Variants in ITGB5 observed in about 807,000 individuals in gnomAD.
ITGB5 encodes the protein integrin beta-5.
Under a neutral mutation model 84.8 loss-of-function variants are expected in ITGB5, and 38 were observed. That is an observed-to-expected ratio of 0.45 (90% CI 0.35 to 0.59). The LOEUF (loss-of-function observed/expected upper bound fraction) is 0.59, where lower values mean the gene tolerates loss of function less well. Among genes scored for constraint, ITGB5 ranks in the 20% least tolerant of loss-of-function variants. The pLI, the probability that ITGB5 is intolerant of heterozygous loss-of-function variation, is 0.01. For synonymous variants in ITGB5, 393 were observed against 414.4 expected (o/e 0.95, Z 0.63); for missense variants, 905 against 1,034.5 (o/e 0.87, Z 1.72).
intron 2 of ITGB5, among the ~76,000 whole-genome samples, chr3:124,871,848 A>AATAAAT (rs1934069184): frequency 6.9e-6 from 1 of 144,004 alleles, no homozygotes; most frequent in Non-Finnish European, 1.5e-5. Flanking sequence ...TAAAAATAAA[A>AATAAAT]ATAAATAATA....
intron 5 of ITGB5, among the ~76,000 whole-genome samples, chr3:124,839,390 G>C (rs1005149586): frequency 2.6e-5 from 4 of 152,176 alleles, no homozygotes; most frequent in African/African-American, 4.8e-5. Context: ...GCACAGGAAG[G>C]TTCCATAGAC....
intron 9 of ITGB5, among the ~76,000 whole-genome samples, chr3:124,800,980 A>G (rs2064306660): frequency 6.6e-6 from 1 of 152,194 alleles, no homozygotes; most frequent in Non-Finnish European, 1.5e-5. Flanking sequence ...TCCCCTGTGG[A>G]GCTGACTGGC....
In ITGB5 at chr3:124,762,114, C is replaced by T. The variant is rs190904225; in HGVS notation, c.*1509G>A. 1 of 152,214 alleles carries T rather than the reference C, an allele frequency of 6.6e-6. No homozygotes were observed. Among genetic ancestry groups the T allele is most frequent in the Non-Finnish European group, 1.5e-5 (1 of 68,044 alleles). The allele number at this position is 152,214 out of a possible 1,614,324, so 9.4% of individuals were successfully genotyped here. ...TCATATTTACACAAGATGAAGGAAACTCAATCTGTTCGTATTTGCCCCAGG... is the reference window on the plus strand; with the variant it reads ...TCATATTTACACAAGATGAAGGAAATTCAATCTGTTCGTATTTGCCCCAGG... On this transcript the variant is annotated 3_prime_UTR_variant, in exon 15 of 15. Coordinates refer to ENST00000296181, the MANE Select transcript of ITGB5 (RefSeq NM_002213.5).
At chr3:124,873,632 C>T (rs1325657009) in intron 1 of ITGB5, 101 bp from the exon 2 acceptor site, 2 of 878,494 alleles carry the variant, frequency 2.3e-6, no homozygotes, top group South Asian at 2.7e-5. Flanking sequence ...AACAGGAGGC[C>T]TCTCTGAGTC....
At chr3:124,841,184 G>A (rs566295896) in intron 5 of ITGB5, among the ~76,000 whole-genome samples, 199 bp downstream of exon 5, 1 of 152,288 alleles carries the variant, frequency 6.6e-6, no homozygotes, top group South Asian at 2.1e-4. Context: ...ACACAGACCA[G>A]CCCAATCCAT....
At chr3:124,816,975 T>C (rs148553087) in intron 8 of ITGB5, among the ~76,000 whole-genome samples, 4 of 152,220 alleles carry the variant, frequency 2.6e-5, no homozygotes, top group Admixed American at 2.0e-4. Flanking sequence ...AGCCAGCACT[T>C]TGGGAAGCTG....
intron 1 of ITGB5, among the ~76,000 whole-genome samples, chr3:124,883,876 A>G (rs1007611): frequency 0.12 from 18,597 of 152,152 alleles, 1,208 homozygotes; most frequent in Admixed American, 0.17. Flanking sequence ...GCTCTTGGCC[A>G]TAAGATAATA....
intron 8 of ITGB5, among the ~76,000 whole-genome samples, chr3:124,810,081 C>T (rs546238272): frequency 2.0e-5 from 3 of 152,308 alleles, no homozygotes; most frequent in Non-Finnish European, 4.4e-5. Context: ...TAGCTAGAAA[C>T]TGGAAATTCC....
chr3:124,820,257 A>G (rs138986525), intron 6 of ITGB5, among the ~76,000 whole-genome samples: 51 of 152,004 alleles, frequency 3.4e-4, no homozygotes, highest in Admixed American at 1.8e-3. Context: ...TCCTTGCCCT[A>G]TTTTCCTTCT....
chr3:124,833,832 C>G (rs1281015790), intron 5 of ITGB5, among the ~76,000 whole-genome samples: 1 of 152,158 alleles, frequency 6.6e-6, no homozygotes, highest in Non-Finnish European at 1.5e-5. Flanking sequence ...ATAGTCCCTG[C>G]CTTCAGGGAG....
intron 4 of ITGB5, among the ~76,000 whole-genome samples, 199 bp downstream of exon 4, chr3:124,848,110 A>G (rs973484133): frequency 1.3e-5 from 2 of 152,182 alleles, no homozygotes; most frequent in Non-Finnish European, 1.5e-5. Context: ...TTTTATCTTT[A>G]CAACCTTGTG....
At chr3:124,793,564 T>A (rs1320287205) in intron 10 of ITGB5, among the ~76,000 whole-genome samples, 1 of 152,210 alleles carries the variant, frequency 6.6e-6, no homozygotes, top group Non-Finnish European at 1.5e-5. Context: ...GGAGCCAGCA[T>A]TGGGTGTGTT....
intron 3 of ITGB5, among the ~76,000 whole-genome samples, chr3:124,850,149 T>G (rs2065131341): frequency 1.3e-5 from 2 of 152,028 alleles, no homozygotes; most frequent in Non-Finnish European, 2.9e-5. Flanking sequence ...AACTCAATCC[T>G]CTATGCTTCC....
chr3:124,837,278 G>A (rs1210597700), intron 5 of ITGB5, among the ~76,000 whole-genome samples: 1 of 152,154 alleles, frequency 6.6e-6, no homozygotes, highest in South Asian at 2.1e-4. Flanking sequence ...TCACACTTCC[G>A]CCTGCACAAT....
At chr3:124,887,920 CTTTTT>C (rs747964036), upstream of ITGB5, 43 of 196,262 alleles carry the variant, frequency 2.2e-4, no homozygotes, top group South Asian at 5.2e-4. Context: ...TTTTTCTTTT[CTTTTT>C]TTTTTTTTTT....
intron 8 of ITGB5, among the ~76,000 whole-genome samples, chr3:124,811,459 T>G (rs2064500474): frequency 6.6e-6 from 1 of 152,088 alleles, no homozygotes; most frequent in Admixed American, 6.6e-5. Context: ...TGAAGGCATG[T>G]AAAAAAATTA....
intron 2 of ITGB5, among the ~76,000 whole-genome samples, chr3:124,872,245 T>C (rs57395849): frequency 0.024 from 3,591 of 152,276 alleles, 130 homozygotes; most frequent in African/African-American, 0.081. Context: ...CAAGAGGCCA[T>C]ATAGTCTGGA....
intron 5 of ITGB5, among the ~76,000 whole-genome samples, chr3:124,834,433 AAG>A (rs1252082501): frequency 6.7e-6 from 1 of 149,402 alleles, no homozygotes; most frequent in East Asian, 2.0e-4. Context: ...GAAGGAAACA[AAG>A]AAAGAAAGAA....
At chr3:124,773,957 C>G in intron 10 of ITGB5, 45 bp from the exon 11 acceptor site, 1 of 1,535,696 alleles carries the variant, frequency 6.5e-7, no homozygotes, top group Non-Finnish European at 9.0e-7. Flanking sequence ...CACCTTTACA[C>G]ATGAGCACAT....
Sources: gnomAD v4.1 joint callset for allele counts (sites outside exome capture counted in the v4.1 genomes callset) on GRCh38, gnomAD v4.1.1 for gene constraint, MANE v1.5 for transcripts, NCBI Gene and HGNC (gene_info 2026-07-23, HGNC 2026-07-21) for gene names.